The following GRB2 variants were observed in gnomAD, a reference collection of about 807,000 sequenced individuals.
GRB2 encodes growth factor receptor-bound protein 2.
A neutral mutation model predicts 27.4 loss-of-function variants in GRB2; 2 were observed. The observed-to-expected ratio is 0.07, with a 90% CI of 0.03 to 0.23. The LOEUF is 0.23. GRB2 is among the 10% of genes least tolerant of loss of function. GRB2 has a pLI of 1.00. For synonymous variants in GRB2, 94 were observed against 99.6 expected (o/e 0.94, Z 0.33); for missense variants, 102 against 282.4 (o/e 0.36, Z 4.58).
chr17:75,370,602 GA>G (rs2078849227), intron 2 of GRB2, among the ~76,000 whole-genome samples: 1 of 152,176 alleles, frequency 6.6e-6, no homozygotes. Flanking sequence ...TTGAAAAATA[GA>G]AAACCTTCCC....
chr17:75,359,578 C>T (rs1170479512), intron 2 of GRB2, among the ~76,000 whole-genome samples: 2 of 151,714 alleles, frequency 1.3e-5, no homozygotes, highest in Non-Finnish European at 2.9e-5. Flanking sequence ...GAACACAAAG[C>T]TCTCCATGGC....
At chr17:75,361,751 T>C (rs772806296) in intron 2 of GRB2, among the ~76,000 whole-genome samples, 7 of 152,078 alleles carry the variant, frequency 4.6e-5, no homozygotes, top group Non-Finnish European at 7.4e-5. Context: ...CTGAAAACAT[T>C]AGGATTTCAT....
intron 2 of GRB2, among the ~76,000 whole-genome samples, chr17:75,354,116 C>T (rs1224449485): frequency 6.6e-6 from 1 of 152,066 alleles, no homozygotes; most frequent in East Asian, 1.9e-4. Context: ...TGTCTTGATT[C>T]TATGTTTATA....
chr17:75,331,271 G>A (rs1255208118), intron 3 of GRB2, among the ~76,000 whole-genome samples: 1 of 152,174 alleles, frequency 6.6e-6, no homozygotes, highest in Non-Finnish European at 1.5e-5. Flanking sequence ...CCCACCCTTT[G>A]GGCAGAGTCT....
chr17:75,337,903 A>AC (rs765653293), intron 2 of GRB2, among the ~76,000 whole-genome samples: 58,590 of 104,864 alleles, frequency 0.56, 17,833 homozygotes, highest in East Asian at 0.8. Flanking sequence ...TACTACTACT[A>AC]TTATTATTAT....
chr17:75,326,113 C>G (rs1461128872), intron 3 of GRB2, 93 bp from the exon 4 acceptor site: 56 of 1,451,150 alleles, frequency 3.9e-5, no homozygotes, highest in Non-Finnish European at 4.9e-5. Context: ...ACACTCCTTG[C>G]CAGAGGAAGG....
chr17:75,335,987 A>T (rs2078574672), intron 2 of GRB2, among the ~76,000 whole-genome samples: 1 of 152,202 alleles, frequency 6.6e-6, no homozygotes, highest in Non-Finnish European at 1.5e-5. Context: ...TTGAGGAGGG[A>T]AAGTGCGCTT....
At chr17:75,374,329 G>A (rs1405788303) in intron 2 of GRB2, among the ~76,000 whole-genome samples, 2 of 150,566 alleles carry the variant, frequency 1.3e-5, no homozygotes, top group Admixed American at 6.6e-5. Context: ...GCTGGAACCC[G>A]GGAGGCGGAG....
intron 2 of GRB2, among the ~76,000 whole-genome samples, chr17:75,350,116 G>C (rs2078680620): frequency 6.6e-6 from 1 of 151,358 alleles, no homozygotes; most frequent in Non-Finnish European, 1.5e-5. Flanking sequence ...TGCAGTCCCA[G>C]CTACCTGGGA....
intron 2 of GRB2, among the ~76,000 whole-genome samples, chr17:75,364,629 A>G (rs968509065): frequency 6.6e-6 from 1 of 152,114 alleles, no homozygotes; most frequent in African/African-American, 2.4e-5. Flanking sequence ...CCCAAAGATC[A>G]TCGTCCATAC....
chr17:75,330,997 T>TCCC (rs1241544575), intron 3 of GRB2, among the ~76,000 whole-genome samples: 1 of 151,066 alleles, frequency 6.6e-6, no homozygotes, highest in African/African-American at 2.5e-5. Flanking sequence ...TAACCCCTGC[T>TCCC]CCCCACCCCC....
intron 2 of GRB2, among the ~76,000 whole-genome samples, chr17:75,382,493 C>T (rs1481047766): frequency 6.6e-6 from 1 of 152,148 alleles, no homozygotes; most frequent in African/African-American, 2.4e-5. Context: ...ATCCAAAATG[C>T]TCCAACAGGC....
intron 2 of GRB2, among the ~76,000 whole-genome samples, chr17:75,359,340 T>C (rs1388967399): frequency 1.3e-5 from 2 of 151,024 alleles, no homozygotes; most frequent in African/African-American, 4.9e-5. Context: ...GACCCATGTC[T>C]ACAAAAAATA....
chr17:75,318,156 C>T lies in GRB2; in HGVS notation c.*2212G>A, dbSNP rs1167998028. On this transcript the variant is annotated 3_prime_UTR_variant, in exon 6 of 6. Coordinates refer to ENST00000316804, the MANE Select transcript of GRB2 (RefSeq NM_002086.5). ...ATCCGCAGAGTTAAAGGATTAAGTA[C>T]ATAGGTCTTTATTTAAACACTGATT... 1 of 152,584 alleles carries T rather than the reference C, an allele frequency of 6.6e-6. No homozygotes were observed. Among genetic ancestry groups the T allele is most frequent in the African/African-American group, 2.4e-5 (1 of 41,424 alleles). The allele number at this position is 152,584 out of a possible 1,614,324, so 9.5% of individuals were successfully genotyped here. A position where few individuals can be genotyped will look rare whatever the true frequency, so the allele number is the denominator to read the frequency against.
intron 2 of GRB2, among the ~76,000 whole-genome samples, chr17:75,334,671 G>A (rs148346610): frequency 1.7e-3 from 266 of 152,236 alleles, no homozygotes; most frequent in African/African-American, 5.3e-3. Context: ...CAGGTGTGCT[G>A]GCTCAAACCT....
intron 2 of GRB2, among the ~76,000 whole-genome samples, chr17:75,355,955 C>T (rs890376432): frequency 4.0e-5 from 6 of 151,548 alleles, no homozygotes; most frequent in Non-Finnish European, 7.4e-5. Context: ...CTCAGCCTCT[C>T]GAGTAGCTGG....
chr17:75,360,579 C>T (rs2078773437), intron 2 of GRB2, among the ~76,000 whole-genome samples: 1 of 152,120 alleles, frequency 6.6e-6, no homozygotes, highest in South Asian at 2.1e-4. Flanking sequence ...AGCAAAACAC[C>T]ATCATTACCA....
At chr17:75,351,437 C>T (rs926468668) in intron 2 of GRB2, among the ~76,000 whole-genome samples, 1 of 151,960 alleles carries the variant, frequency 6.6e-6, no homozygotes, top group African/African-American at 2.4e-5. Flanking sequence ...TCACTTGAAC[C>T]CAGGAGATCA....
chr17:75,335,549 C>T (rs1258938663), intron 2 of GRB2, among the ~76,000 whole-genome samples: 7 of 152,144 alleles, frequency 4.6e-5, no homozygotes, highest in Admixed American at 2.6e-4. Flanking sequence ...TTAATGACTA[C>T]GCTTTCTTAA....
Sources: allele counts gnomAD v4.1 joint callset (sites outside exome capture counted in the v4.1 genomes callset), GRCh38; gene constraint gnomAD v4.1.1; transcripts MANE v1.5; gene names NCBI Gene and HGNC (gene_info 2026-07-23, HGNC 2026-07-21).